The following ME3 variants were observed in gnomAD, a reference collection of about 807,000 sequenced individuals.
ME3 encodes the protein NADP-dependent malic enzyme, mitochondrial.
Under a neutral mutation model 68.9 loss-of-function variants are expected in ME3, and 48 were observed. That is an observed-to-expected ratio of 0.70 (90% CI 0.55 to 0.89). ME3 has a LOEUF of 0.89. Among genes scored for constraint, ME3 ranks in the 40% least tolerant of loss-of-function variants. ME3 has a pLI of 0.00. For synonymous variants in ME3, 320 were observed against 318.8 expected, an observed-to-expected ratio of 1.00 and a Z score of -0.04; for missense variants, 675 against 797.4, an observed-to-expected ratio of 0.85 and a Z score of 1.85.
intron 2 of ME3, among the ~76,000 whole-genome samples, chr11:86,601,303 C>T (rs1960614500): frequency 6.6e-6 from 1 of 152,130 alleles, no homozygotes; most frequent in Non-Finnish European, 1.5e-5. Flanking sequence ...TACAAACTAC[C>T]ATCAGAGGAT....
chr11:86,548,598 T>G (rs1008930257), intron 4 of ME3, among the ~76,000 whole-genome samples: 3 of 152,228 alleles, frequency 2.0e-5, no homozygotes, highest in Admixed American at 2.0e-4. Flanking sequence ...ATGAAAAGTA[T>G]GTGTTTTCAT....
intron 7 of ME3, among the ~76,000 whole-genome samples, chr11:86,480,110 C>T (rs2446226): frequency 0.84 from 128,374 of 152,270 alleles, 54,304 homozygotes; most frequent in Non-Finnish European, 0.88. Flanking sequence ...TGAGCCACCG[C>T]GCCTGGCCTA....
chr11:86,466,729 C>T lies in ME3; in HGVS notation c.810-1529G>A, dbSNP rs917813707. 2.6e-5 allele frequency among the ~76,000 whole-genome samples: 4 copies of T among 152,314 alleles called. No homozygotes were observed. The East Asian group carries it at 5.8e-4, about 22-fold the overall frequency. On this transcript the variant is annotated intron_variant, in intron 7 of 14. Coordinates refer to ENST00000543262, the Ensembl canonical transcript of ME3. Reference sequence around the variant, plus strand: ...GTTCCTGCCGTGGTCCTTCCAGAACCTTAGCTAGTCAAGGCTGTTGGTAGA... The same window carrying T: ...GTTCCTGCCGTGGTCCTTCCAGAACTTTAGCTAGTCAAGGCTGTTGGTAGA...
rs116946285 is a variant in ME3, at chr11:86,454,663, A to G, written c.920-4265T>C. Among the ~76,000 whole-genome samples, 64 of 152,378 alleles carry G rather than the reference A, an allele frequency of 4.2e-4. No homozygotes were observed. In the East Asian group the frequency reaches 0.012, roughly 28 times the overall value. On this transcript the variant is annotated intron_variant, in intron 8 of 14. Transcript: ENST00000543262. The stretch of plus-strand genomic sequence containing the variant: ...TTTGCTGAATTGTACAAGATCATAT[A>G]ACAGAGCCAGGATGTGAATCCAGGG...
At chr11:86,535,167 C>A (rs979689673) in intron 4 of ME3, among the ~76,000 whole-genome samples, 9 of 152,188 alleles carry the variant, frequency 5.9e-5, no homozygotes, top group Admixed American at 5.9e-4. Flanking sequence ...CTTCCTGCAT[C>A]TTTGTCTAGT....
chr11:86,492,511 C>T (rs1486503821), intron 6 of ME3, among the ~76,000 whole-genome samples: 4 of 152,242 alleles, frequency 2.6e-5, no homozygotes, highest in African/African-American at 7.2e-5. Flanking sequence ...CAGGCTTATT[C>T]ACTTCCATAC....
intron 2 of ME3, among the ~76,000 whole-genome samples, chr11:86,578,917 T>A (rs1055135538): frequency 1.3e-5 from 2 of 152,330 alleles, no homozygotes; most frequent in African/African-American, 2.4e-5. Flanking sequence ...ATTCCCATTT[T>A]GCAGATAGGA....
chr11:86,537,588 G>C (rs1448526736), intron 4 of ME3, among the ~76,000 whole-genome samples: 1 of 152,158 alleles, frequency 6.6e-6, no homozygotes, highest in East Asian at 1.9e-4. Context: ...TATGCTACTA[G>C]GAAAGGCAAA....
chr11:86,607,183 T>C (rs922373694), intron 2 of ME3, among the ~76,000 whole-genome samples: 4 of 152,162 alleles, frequency 2.6e-5, no homozygotes, highest in African/African-American at 9.7e-5. Flanking sequence ...CATGAAGAAA[T>C]CTACCAATCT....
chr11:86,518,902 A>G (rs1954073160), intron 4 of ME3, among the ~76,000 whole-genome samples: 1 of 152,260 alleles, frequency 6.6e-6, no homozygotes, highest in African/African-American at 2.4e-5. Flanking sequence ...TGATGCATCC[A>G]GAGGCAAGGA....
At chr11:86,618,201 G>A (rs1288843663) in intron 2 of ME3, among the ~76,000 whole-genome samples, 1 of 148,724 alleles carries the variant, frequency 6.7e-6, no homozygotes, top group Non-Finnish European at 1.5e-5. Flanking sequence ...TTGGGAGGCT[G>A]AGGTGAGAGA....
intron 4 of ME3, 113 bp from the exon 5 acceptor site, chr11:86,508,980 A>G: frequency 2.4e-6 from 2 of 836,660 alleles, no homozygotes; most frequent in Non-Finnish European, 3.8e-6. Flanking sequence ...AGACCTGGGC[A>G]AGAAAGATTC....
At chr11:86,435,228 A>G in the ME3 span, 1 of 152,266 alleles carries the variant, frequency 6.6e-6, no homozygotes, top group Non-Finnish European at 1.5e-5. Context: ...TAATATCCAC[A>G]CATCTGTAAT....
intron 2 of ME3, among the ~76,000 whole-genome samples, chr11:86,592,885 C>T (rs1015961697): frequency 2.6e-5 from 4 of 152,128 alleles, no homozygotes; most frequent in African/African-American, 9.7e-5. Flanking sequence ...GAGCACAGAA[C>T]GCAGGCATCA....
chr11:86,614,156 C>T (rs977523960), intron 2 of ME3, among the ~76,000 whole-genome samples: 7 of 152,280 alleles, frequency 4.6e-5, no homozygotes, highest in East Asian at 1.9e-4. Flanking sequence ...AATCTCACAT[C>T]ATCTTCCCAG....
At chr11:86,655,860 G>A (rs1275906531) in intron 2 of ME3, among the ~76,000 whole-genome samples, 4 of 152,006 alleles carry the variant, frequency 2.6e-5, no homozygotes, top group African/African-American at 9.7e-5. Context: ...CTGACAAAGG[G>A]CTAATATCCG....
intron 4 of ME3, among the ~76,000 whole-genome samples, chr11:86,528,717 C>T (rs986356356): frequency 2.0e-5 from 3 of 151,672 alleles, no homozygotes; most frequent in Non-Finnish European, 4.4e-5. Context: ...CAAAACCGCT[C>T]AACTACATGG....
rs142338581 is a variant in ME3, at chr11:86,575,419, C to A, written c.184-15596G>T. Among the ~76,000 whole-genome samples the A allele has an allele frequency of 1.0e-4, 15 of 147,528 alleles. No homozygotes were observed. The East Asian group carries it at 2.9e-3, about 28-fold the overall frequency. On this transcript the variant is annotated intron_variant, in intron 2 of 14. Coordinates refer to ENST00000543262, the Ensembl canonical transcript of ME3. ...TGGGAAATGGGAATAATATGTACCTCATCTACTTTACAGAGATGTAGGTGA... is the reference window on the plus strand; with the variant it reads ...TGGGAAATGGGAATAATATGTACCTAATCTACTTTACAGAGATGTAGGTGA...
chr11:86,483,543 G>C (rs933618180), intron 7 of ME3, among the ~76,000 whole-genome samples: 3 of 151,750 alleles, frequency 2.0e-5, no homozygotes, highest in Admixed American at 2.0e-4. Flanking sequence ...AAGAGAGAGA[G>C]AGAATGAATG....
Sources: gnomAD v4.1 joint callset for allele counts (sites outside exome capture counted in the v4.1 genomes callset) on GRCh38, gnomAD v4.1.1 for gene constraint, MANE v1.5 for transcripts, NCBI Gene and HGNC (gene_info 2026-07-23, HGNC 2026-07-21) for gene names.